ANKRD30A: variants seen among roughly 807,000 people sequenced by gnomAD.
ANKRD30A encodes the protein ankyrin repeat domain-containing protein 30A.
ANKRD30A carries 170 observed loss-of-function variants against 166.3 expected under a neutral mutation model. The observed-to-expected ratio is 1.02, with a 90% CI of 0.90 to 1.16. The LOEUF (loss-of-function observed/expected upper bound fraction) is 1.16. Ranked by LOEUF, ANKRD30A falls within the 50% of genes most tolerant of loss-of-function variation. ANKRD30A has a pLI of 0.00. For missense variants in ANKRD30A, 1,630 were observed against 1,518.0 expected (o/e 1.07, Z -1.23); for synonymous variants, 564 against 508.9 (o/e 1.11, Z -1.46).
In ANKRD30A at chr10:37,219,846, C is replaced by T; in HGVS notation, c.4134C>T (p.Asn1378=). 1.9e-6 allele frequency: 3 copies of T among 1,582,670 alleles called. No homozygotes were observed. The highest frequency in any genetic ancestry group is 2.6e-6 in the Non-Finnish European group (3 of 1,163,632). ...EKNEEIFNYN[N]HLKNRIYQYE... is the part of the protein sequence containing the mutation. The stretch of plus-strand genomic sequence containing the variant: ...ATGAGGAGATATTTAATTACAATAA[C>T]CATTTAAAAAACCGTATATATCAAT... Residue 1378 remains asparagine, a synonymous_variant, in exon 34 of 36, where the codon AAC becomes AAT. Coordinates refer to ENST00000361713, the MANE Select transcript of ANKRD30A (RefSeq NM_052997.3).
intron 13 of ANKRD30A, among the ~76,000 whole-genome samples, chr10:37,154,392 T>C (rs1386463284): frequency 6.6e-6 from 1 of 152,208 alleles, no homozygotes; most frequent in African/African-American, 2.4e-5. Context: ...CTGATGCTGG[T>C]GGTCCTTGGA....
At chr10:37,163,013 A>T (rs1839054123) in intron 17 of ANKRD30A, among the ~76,000 whole-genome samples, 165 bp downstream of exon 17, 1 of 152,196 alleles carries the variant, frequency 6.6e-6, no homozygotes, top group Non-Finnish European at 1.5e-5. Flanking sequence ...TTACAAGCAC[A>T]GTAATTTTCA....
At position 37,172,549 on chromosome 10, in the gene ANKRD30A, T is replaced by C. The variant is rs1317522578; in HGVS notation, c.2258-1163T>C. Among the ~76,000 whole-genome samples the C allele has an allele frequency of 5.2e-3, 766 of 146,038 alleles. 2 individuals are homozygous for C. Among genetic ancestry groups the C allele is most frequent in the African/African-American group, 0.018 (719 of 40,074 alleles). On this transcript the variant is annotated intron_variant, in intron 21 of 35. Coordinates refer to ENST00000361713, the MANE Select transcript of ANKRD30A (RefSeq NM_052997.3). Reference sequence around the variant, plus strand: ...AGAGGTTTTTTTTTAATTTCTTTTTTTTTTTTTTTTTTTTTTTAGTAGAAG... The same window carrying C: ...AGAGGTTTTTTTTTAATTTCTTTTTCTTTTTTTTTTTTTTTTTAGTAGAAG...
At chr10:37,211,830 C>A (rs1278434629) in intron 31 of ANKRD30A, among the ~76,000 whole-genome samples, 1 of 152,074 alleles carries the variant, frequency 6.6e-6, no homozygotes, top group African/African-American at 2.4e-5. Flanking sequence ...GCCATTCTAA[C>A]TGGTGTGAGA....
intron 31 of ANKRD30A, among the ~76,000 whole-genome samples, chr10:37,205,639 G>T (rs1841944396): frequency 6.6e-6 from 1 of 152,126 alleles, no homozygotes; most frequent in African/African-American, 2.4e-5. Context: ...CACGCTTGTG[G>T]AAGACATTGG....
At chr10:37,154,680 A>G (rs942902353) in intron 13 of ANKRD30A, among the ~76,000 whole-genome samples, 3 of 152,208 alleles carry the variant, frequency 2.0e-5, no homozygotes, top group Non-Finnish European at 4.4e-5. Context: ...TTTTTGCTAA[A>G]GCAGAGAGAT....
Position 37,227,001 on chromosome 10 carries a change from T to A in ANKRD30A, c.4186-4460T>A, listed in dbSNP as rs567200765. ...TGTCTCTTTCCATCCTTTGCCCATT[T>A]TCTAATTGGGCCATCTTGTTTCTTT... is the stretch of plus-strand genomic sequence containing the variant. On this transcript the variant is annotated intron_variant, in intron 34 of 35. Coordinates refer to ENST00000361713, the MANE Select transcript of ANKRD30A (RefSeq NM_052997.3). 2.0e-5 allele frequency among the ~76,000 whole-genome samples: 3 copies of A among 152,062 alleles called. No homozygotes were observed. The South Asian group carries it at 6.2e-4, about 31-fold the overall frequency.
At chr10:37,209,101 C>T (rs1255980224) in intron 31 of ANKRD30A, among the ~76,000 whole-genome samples, 3 of 152,032 alleles carry the variant, frequency 2.0e-5, no homozygotes, top group Admixed American at 1.3e-4. Context: ...TCATTATTGC[C>T]TCACAAATTG....
At chr10:37,178,325 A>G in intron 24 of ANKRD30A, among the ~76,000 whole-genome samples, 1 of 151,302 alleles carries the variant, frequency 6.6e-6, no homozygotes, top group Non-Finnish European at 1.5e-5. Context: ...GCATATCTGC[A>G]CGGCCACACA....
At chr10:37,146,339 T>G (rs146206670) in intron 8 of ANKRD30A, among the ~76,000 whole-genome samples, 1 of 151,384 alleles carries the variant, frequency 6.6e-6, no homozygotes, top group East Asian at 1.9e-4. Context: ...ATGTTCTGAG[T>G]GCACTTTATA....
At chr10:37,217,934 C>G in intron 33 of ANKRD30A, 56 bp downstream of exon 33, 1 of 1,247,092 alleles carries the variant, frequency 8.0e-7, no homozygotes, top group Non-Finnish European at 1.1e-6. Context: ...ATCAATATTA[C>G]TTTTAATATC....
chr10:37,200,175 G>C (rs1468736924), intron 30 of ANKRD30A, among the ~76,000 whole-genome samples: 1 of 152,028 alleles, frequency 6.6e-6, no homozygotes, highest in Non-Finnish European at 1.5e-5. Context: ...TAGAGAGACA[G>C]TTTAAGCTGC....
chr10:37,196,457 T>C (rs117488004), intron 27 of ANKRD30A, among the ~76,000 whole-genome samples: 1,968 of 152,292 alleles, frequency 0.013, 44 homozygotes, highest in East Asian at 0.095. Context: ...TGCCATTCCA[T>C]AAAAATTTAT....
At position 37,221,522 on chromosome 10, in the gene ANKRD30A, A is replaced by T. The variant is rs116662505; in HGVS notation, c.4185+1625A>T. On this transcript the variant is annotated intron_variant, in intron 34 of 35. Transcript: ENST00000361713. ...CAACAGTGAATCTATAGCTGGTTAA[A>T]TAATATAAATTGTTTTATGATACTA... Among the ~76,000 whole-genome samples, 331 of 151,486 alleles carry T rather than the reference A, an allele frequency of 2.2e-3. 1 individual carries two copies. Among genetic ancestry groups the T allele is most frequent in the African/African-American group, 7.5e-3 (311 of 41,486 alleles).
chr10:37,134,553 TCA>T (rs1054316312), intron 5 of ANKRD30A, among the ~76,000 whole-genome samples: 1 of 152,196 alleles, frequency 6.6e-6, no homozygotes, highest in Non-Finnish European at 1.5e-5. Flanking sequence ...CACAGATCCC[TCA>T]GTCTTCATGG....
chr10:37,194,984 C>A (rs954846049), intron 27 of ANKRD30A, among the ~76,000 whole-genome samples: 1 of 152,032 alleles, frequency 6.6e-6, no homozygotes, highest in Admixed American at 6.6e-5. Flanking sequence ...AGTTGTTAAC[C>A]ATGAAAATTA....
At chr10:37,154,010 G>A (rs1838167944) in intron 13 of ANKRD30A, among the ~76,000 whole-genome samples, 1 of 152,148 alleles carries the variant, frequency 6.6e-6, no homozygotes, top group African/African-American at 2.4e-5. Context: ...TATAGTGGAG[G>A]ATGATAAAAT....
chr10:37,221,563 C>T (rs2132749475), intron 34 of ANKRD30A, among the ~76,000 whole-genome samples: 1 of 151,366 alleles, frequency 6.6e-6, no homozygotes, highest in South Asian at 2.1e-4. Context: ...CATGGGAAGA[C>T]TTCTTTTATA....
downstream of ANKRD30A, among the ~76,000 whole-genome samples, chr10:37,232,916 A>G (rs993610607): frequency 5.3e-5 from 8 of 149,728 alleles, no homozygotes; most frequent in Non-Finnish European, 1.5e-5. Context: ...AACAAAATAA[A>G]TTATTTAAAA....
Sources: gnomAD v4.1 joint callset for allele counts (sites outside exome capture counted in the v4.1 genomes callset) on GRCh38, gnomAD v4.1.1 for gene constraint, MANE v1.5 for transcripts, NCBI Gene and HGNC (gene_info 2026-07-23, HGNC 2026-07-21) for gene names.